LUZP1: variants seen among roughly 807,000 people sequenced by gnomAD.
The protein encoded by LUZP1 is filamin mechanobinding actin cross-linking protein.
In LUZP1, 25 loss-of-function variants were observed where a neutral mutation model predicts 71.3. The ratio of observed to expected loss-of-function variants is 0.35; its 90% CI spans 0.26 to 0.49. LUZP1 has a LOEUF of 0.49. Among genes scored for constraint, LUZP1 ranks in the 20% least tolerant of loss-of-function variants. The pLI is 0.99. For synonymous variants in LUZP1, 481 were observed against 506.4 expected (o/e 0.95, Z 0.67); for missense variants, 1,142 against 1,300.8 (o/e 0.88, Z 1.88).
intron 3 of LUZP1, among the ~76,000 whole-genome samples, chr1:23,097,252 A>C (rs142857923): frequency 6.6e-6 from 1 of 152,320 alleles, no homozygotes; most frequent in Non-Finnish European, 1.5e-5. Context: ...TTTTGGAGGA[A>C]GCAAAAACAT....
intron 2 of LUZP1, among the ~76,000 whole-genome samples, chr1:23,129,452 A>G (rs1434758354): frequency 6.6e-6 from 1 of 152,112 alleles, no homozygotes; most frequent in Non-Finnish European, 1.5e-5. Context: ...GTGGAGGCGC[A>G]TGCCTGTAAT....
At chr1:23,088,677 T>G in exon 5 of LUZP1, 3 of 513,028 alleles carry the variant, frequency 5.8e-6, no homozygotes, top group Non-Finnish European at 6.9e-6. Context: ...GACTCGTGCA[T>G]TGGGGAAGGT....
At chr1:23,123,492 C>CAAA (rs10716851) in intron 2 of LUZP1, among the ~76,000 whole-genome samples, 1 of 106,902 alleles carries the variant, frequency 9.4e-6, no homozygotes, top group Non-Finnish European at 2.0e-5. Context: ...ACTTTGTCTC[C>CAAA]AAAAAAAAAA....
chr1:23,114,578 G>A (rs1644062724), intron 2 of LUZP1, among the ~76,000 whole-genome samples: 1 of 152,192 alleles, frequency 6.6e-6, no homozygotes, highest in Non-Finnish European at 1.5e-5. Context: ...GAACACTCCA[G>A]ATAAAAGTGG....
At chr1:23,133,531 G>A (rs1644230794) in intron 2 of LUZP1, 1 of 152,238 alleles carries the variant, frequency 6.6e-6, no homozygotes, top group African/African-American at 2.4e-5. Flanking sequence ...GGAAGGCCGA[G>A]GCGAGTGGAT....
intron 2 of LUZP1, among the ~76,000 whole-genome samples, chr1:23,123,552 G>T (rs1169110181): frequency 6.6e-6 from 1 of 150,982 alleles, no homozygotes; most frequent in Non-Finnish European, 1.5e-5. Context: ...CATTTTTCAG[G>T]GTTAAACAAA....
intron 2 of LUZP1, among the ~76,000 whole-genome samples, chr1:23,110,781 C>G (rs1644023300): frequency 6.6e-6 from 1 of 152,126 alleles, no homozygotes; most frequent in African/African-American, 2.4e-5. Context: ...ACTCAAGCCT[C>G]AAGAGAATAA....
At chr1:23,140,436 C>G (rs1644293315) in intron 2 of LUZP1, 2 of 152,170 alleles carry the variant, frequency 1.3e-5, no homozygotes, top group Admixed American at 6.5e-5. Context: ...CACGCCCTGT[C>G]CTTGAACTCC....
chr1:23,127,397 A>G (rs780099473), intron 2 of LUZP1, among the ~76,000 whole-genome samples: 14 of 152,194 alleles, frequency 9.2e-5, no homozygotes, highest in Non-Finnish European at 2.1e-4. Context: ...CTCTGCACTA[A>G]GCCTGGCACA....
At chr1:23,133,239 A>G (rs949981095) in intron 2 of LUZP1, among the ~76,000 whole-genome samples, 2 of 152,240 alleles carry the variant, frequency 1.3e-5, no homozygotes, top group Non-Finnish European at 1.5e-5. Context: ...CTAAGCTCAC[A>G]AGCATTTTTA....
intron 2 of LUZP1, among the ~76,000 whole-genome samples, chr1:23,143,198 G>A (rs112167504): frequency 3.4e-4 from 51 of 151,932 alleles, no homozygotes; most frequent in African/African-American, 1.1e-3. Context: ...TAGTAGAGAC[G>A]GGGTTTCACC....
At chr1:23,129,999 A>G (rs1225304281) in intron 2 of LUZP1, among the ~76,000 whole-genome samples, 1 of 152,228 alleles carries the variant, frequency 6.6e-6, no homozygotes, top group Non-Finnish European at 1.5e-5. Context: ...ATAACTACAG[A>G]TTAGTCTAAA....
intron 2 of LUZP1, among the ~76,000 whole-genome samples, chr1:23,153,273 T>C (rs1644397597): frequency 6.6e-6 from 1 of 152,176 alleles, no homozygotes. Flanking sequence ...ATACGTCTAA[T>C]CTCTATCTTT....
chr1:23,143,000 C>T lies in LUZP1; in HGVS notation c.-226+25766G>A, dbSNP rs140832745. 1.2e-3 allele frequency among the ~76,000 whole-genome samples: 190 copies of T among 152,074 alleles called. 1 individual carries two copies. Among genetic ancestry groups the T allele is most frequent in the African/African-American group, 4.3e-3 (177 of 41,498 alleles). ...CCTGGGCTACATGGTAAGACTTCGT[C>T]TCTATTTTTTTTTTCTTTTTTGTTT... On this transcript the variant is annotated intron_variant, in intron 2 of 4. Transcript: ENST00000302291.
chr1:23,092,138 A>C, exon 4 of LUZP1: 1 of 1,614,096 alleles, frequency 6.2e-7, no homozygotes, highest in Non-Finnish European at 8.5e-7. Context: ...CAGCATCTTT[A>C]TCATTCTCAA....
chr1:23,124,395 C>CT (rs1156661533), intron 2 of LUZP1, among the ~76,000 whole-genome samples: 1 of 152,094 alleles, frequency 6.6e-6, no homozygotes, highest in Non-Finnish European at 1.5e-5. Flanking sequence ...ACAAGACTGA[C>CT]TTTAAGGGAG....
At chr1:23,092,394 T>A in exon 4 of LUZP1, 1 of 1,614,206 alleles carries the variant, frequency 6.2e-7, no homozygotes, top group Non-Finnish European at 8.5e-7. Context: ...CCCTTCTTTA[T>A]GTGAGGTTGA....
chr1:23,139,019 A>ATATAT (rs1553140198), intron 2 of LUZP1, among the ~76,000 whole-genome samples: 7 of 59,946 alleles, frequency 1.2e-4, no homozygotes, highest in Admixed American at 2.7e-4. Context: ...AAAAAAAAAA[A>ATATAT]ATATATATAT....
intron 2 of LUZP1, among the ~76,000 whole-genome samples, chr1:23,111,637 G>C (rs1433198868): frequency 1.3e-5 from 2 of 152,094 alleles, no homozygotes; most frequent in African/African-American, 4.8e-5. Context: ...GGAAGCTTTA[G>C]CTCTCCACCC....
Sources: allele counts gnomAD v4.1 joint callset (sites outside exome capture counted in the v4.1 genomes callset), GRCh38; gene constraint gnomAD v4.1.1; transcripts MANE v1.5; gene names NCBI Gene and HGNC (gene_info 2026-07-23, HGNC 2026-07-21).